The following GFM1 variants were observed in gnomAD, a reference collection of about 807,000 sequenced individuals.
GFM1 encodes the protein G elongation factor mitochondrial 1, also known as elongation factor G, mitochondrial.
A neutral mutation model predicts 96.2 loss-of-function variants in GFM1; 62 were observed. That is an observed-to-expected ratio of 0.64 (90% confidence interval 0.53 to 0.80). The LOEUF is 0.80. Ranked by LOEUF, GFM1 falls within the 30% of genes least tolerant of loss-of-function variation. The probability of loss-of-function intolerance (pLI) is 0.00; values close to 1 mark genes in which losing one functional copy is unlikely to be tolerated. For missense variants in GFM1, 852 were observed against 916.6 expected, an observed-to-expected ratio of 0.93 and a Z score of 0.91; for synonymous variants, 282 against 312.9, an observed-to-expected ratio of 0.90 and a Z score of 1.04.
rs987330267 is a variant in GFM1, at chr3:158,672,568, C to T, written c.1601+6182C>T. On this transcript the variant is annotated intron_variant, in intron 13 of 17. Transcript: ENST00000486715. Reference sequence around the variant, plus strand: ...CGCCCGTCCTGCTTGCTGCTGGGTCCGGTTGCCGAGGCGGAAAAGTCGCAA... The same window carrying T: ...CGCCCGTCCTGCTTGCTGCTGGGTCTGGTTGCCGAGGCGGAAAAGTCGCAA... The T allele has an allele frequency of 3.9e-6, 6 of 1,539,154 alleles. No individual in the cohort carries two copies. The East Asian group carries it at 9.2e-5, about 24-fold the overall frequency.
At position 158,694,156 on chromosome 3, in the gene GFM1, A is replaced by C. The variant is rs190673699; in HGVS notation, c.*2689A>C. The stretch of plus-strand genomic sequence containing the variant: ...CACATTCATTGCAGAACTGTTCATA[A>C]TGGCAAAGATATGGAATCAACCTAA... On this transcript the variant is annotated 3_prime_UTR_variant, in exon 18 of 18. Coordinates refer to ENST00000486715, the MANE Select transcript of GFM1 (RefSeq NM_024996.7). Among the ~76,000 whole-genome samples the C allele has an allele frequency of 9.2e-5, 14 of 152,328 alleles. No homozygotes were observed. The highest frequency in any genetic ancestry group is 2.6e-4 in the Admixed American group (4 of 15,310).
chr3:158,684,372 G>A (rs1319205449), intron 14 of GFM1, 152 bp from the exon 15 acceptor site: 2 of 729,324 alleles, frequency 2.7e-6, no homozygotes, highest in African/African-American at 1.8e-5. Context: ...AAATAGTAAA[G>A]TTGTTAAACA....
intron 13 of GFM1, chr3:158,670,913 A>T (rs552135174): frequency 1.4e-6 from 2 of 1,463,004 alleles, no homozygotes; most frequent in Middle Eastern, 2.5e-4. Context: ...AGCCTGGGTG[A>T]TAGAGTGAGA....
Position 158,666,356 on chromosome 3 carries a change from C to G in GFM1, c.1571C>G (p.Ala524Gly). ...CPCITGKPKV[A>G]FRETITAPVP... ...TGTATCACAGGAAAGCCAAAAGTTGCCTTTCGAGAGACCATTACTGCCCCT... is the reference window on the plus strand; with the variant it reads ...TGTATCACAGGAAAGCCAAAAGTTGGCTTTCGAGAGACCATTACTGCCCCT... The change falls in exon 13 of 18, where the codon GCC becomes GGC. Residue 524 changes from alanine (A) to glycine (G), a missense_variant. Ala to Gly is a moderately conservative substitution (Grantham distance 60, BLOSUM62 0). Transcript: ENST00000486715. The G allele has an allele frequency of 6.2e-7, 1 of 1,613,704 alleles. No homozygotes were observed. The highest frequency in any genetic ancestry group is 8.5e-7 in the Non-Finnish European group (1 of 1,179,772).
intron 13 of GFM1, among the ~76,000 whole-genome samples, chr3:158,677,648 G>A (rs1242012442): frequency 2.6e-5 from 4 of 152,130 alleles, no homozygotes; most frequent in Non-Finnish European, 4.4e-5. Context: ...GGGATTACAG[G>A]CATCTGCCAC....
In GFM1 at chr3:158,684,551, C is replaced by CCTCT. The variant is rs1460803409; in HGVS notation, c.1793_1796dup (p.Gly601PhefsTer21). 6.2e-7 allele frequency: 1 copy of CCTCT among 1,613,950 alleles called. No homozygotes were observed. The highest frequency in any genetic ancestry group is 1.1e-5 in the South Asian group (1 of 91,072). ...GTTTTTAGATGCCTGCGAGAAGGGC[C>CCTCT]CTCTTTCTGGTCACAAGCTCTCTGG... On this transcript the variant is annotated frameshift_variant, in exon 15 of 18. Coordinates refer to ENST00000486715, the MANE Select transcript of GFM1 (RefSeq NM_024996.7). LOFTEE classifies it high-confidence loss of function.
rs138082518 is a variant in GFM1, at chr3:158,684,146, A to C, written c.1765-378A>C. Among the ~76,000 whole-genome samples, 573 of 152,296 alleles carry C rather than the reference A, an allele frequency of 3.8e-3. 3 individuals are homozygous for C. The highest frequency in any genetic ancestry group is 0.013 in the African/African-American group (530 of 41,572). ...TGTTCTCGCTTATAAATGAGAGCTA[A>C]ATTGTGAGAACATATGGACACATAG... On this transcript the variant is annotated intron_variant, in intron 14 of 17. Transcript: ENST00000486715.
chr3:158,666,831 A>G (rs1723742299), intron 13 of GFM1: 1 of 1,436,410 alleles, frequency 7.0e-7, no homozygotes, highest in Non-Finnish European at 9.6e-7. Context: ...TAGAGATAAA[A>G]CAGTCTTCAC....
chr3:158,672,148 C>G (rs906739274), intron 13 of GFM1, among the ~76,000 whole-genome samples: 9 of 152,210 alleles, frequency 5.9e-5, no homozygotes, highest in African/African-American at 2.2e-4. Flanking sequence ...GAAAACAGTC[C>G]CGGGCTGTCT....
intron 14 of GFM1, among the ~76,000 whole-genome samples, chr3:158,683,765 A>T (rs17630980): frequency 0.18 from 26,902 of 152,118 alleles, 2,455 homozygotes; most frequent in Non-Finnish European, 0.22. Flanking sequence ...AATTGAGTTG[A>T]GTTGAGTAAT....
chr3:158,667,123 A>C (rs1723781396), intron 13 of GFM1: 1 of 1,491,372 alleles, frequency 6.7e-7, no homozygotes, highest in African/African-American at 1.4e-5. Flanking sequence ...TATCTTTGGC[A>C]AAAATTACAT....
intron 13 of GFM1, among the ~76,000 whole-genome samples, chr3:158,670,666 A>C (rs543728971): frequency 1.3e-5 from 2 of 152,372 alleles, no homozygotes; most frequent in African/African-American, 4.8e-5. Context: ...TTGATCAGCA[A>C]AGATGATCTG....
intron 4 of GFM1, 60 bp downstream of exon 4, chr3:158,647,007 C>A: frequency 7.8e-7 from 1 of 1,286,192 alleles, no homozygotes; most frequent in Non-Finnish European, 1.1e-6. Context: ...ACCTTATATC[C>A]AAAAGGGTGA....
At chr3:158,647,014 G>A (rs1270019725) in intron 4 of GFM1, 67 bp downstream of exon 4, 1 of 1,227,060 alleles carries the variant, frequency 8.1e-7, no homozygotes. Context: ...ATCCAAAAGG[G>A]TGATTAATTC....
In GFM1 at chr3:158,655,882, GA is replaced by G. The variant is rs1306911211; in HGVS notation, c.1083+1252del. 3 of 457,362 alleles carry G rather than the reference GA, an allele frequency of 6.6e-6. No homozygotes were observed. In the Admixed American group the frequency reaches 7.0e-5, roughly 11 times the overall value. 28.3% of individuals were successfully genotyped at this position (457,362 alleles called of 1,614,324 possible). A position where few individuals can be genotyped will look rare whatever the true frequency, so the allele number is the denominator to read the frequency against. ...CCATCCAGAGGACCACGTTATATTT[GA>G]TTGTCATGTCTCCTTATGATCTCCT... On this transcript the variant is annotated intron_variant, in intron 8 of 17. Coordinates refer to ENST00000486715, the MANE Select transcript of GFM1 (RefSeq NM_024996.7).
chr3:158,652,134 GGGCGGC>G lies in GFM1; in HGVS notation c.732_737del (p.Ala245_Ala246del). 6.2e-7 allele frequency: 1 copy of G among 1,613,888 alleles called. No individual in the cohort carries two copies. Among genetic ancestry groups the G allele is most frequent in the Non-Finnish European group, 8.5e-7 (1 of 1,179,904 alleles). ...TATGGTGAGATTCCAGCTGAATTAA[GGGCGGC>G]GGCCACTGACCACCGGCAGGAGCTA... On this transcript the variant is annotated inframe_deletion, in exon 6 of 18. Transcript: ENST00000486715.
chr3:158,660,742 A>G, intron 9 of GFM1, 132 bp from the exon 10 acceptor site: 8 of 755,006 alleles, frequency 1.1e-5, no homozygotes, highest in South Asian at 7.5e-5. Flanking sequence ...CTAATTCACT[A>G]TAGAATTCAA....
At chr3:158,647,095 G>A in intron 4 of GFM1, 148 bp downstream of exon 4, 1 of 684,968 alleles carries the variant, frequency 1.5e-6, no homozygotes, top group Admixed American at 2.3e-5. Context: ...GTGGAACACT[G>A]ATTTTAGTAA....
intron 6 of GFM1, 118 bp downstream of exon 6, chr3:158,652,364 A>G: frequency 1.2e-6 from 1 of 845,368 alleles, no homozygotes; most frequent in African/African-American, 1.7e-5. Context: ...CAATACATTT[A>G]TTTAACATAA....
Sources: gnomAD v4.1 joint callset for allele counts (sites outside exome capture counted in the v4.1 genomes callset) on GRCh38, gnomAD v4.1.1 for gene constraint, MANE v1.5 for transcripts, NCBI Gene and HGNC (gene_info 2026-07-23, HGNC 2026-07-21) for gene names.